ARHGAP6: variants seen among roughly 807,000 people sequenced by gnomAD.
ARHGAP6 encodes the protein rho GTPase-activating protein 6.
A neutral mutation model predicts 55.7 loss-of-function variants in ARHGAP6; 16 were observed. The ratio of observed to expected loss-of-function variants is 0.29; its 90% CI spans 0.19 to 0.44. The LOEUF is 0.44. ARHGAP6 is among the 20% of genes least tolerant of loss of function. ARHGAP6 has a pLI of 1.00. For missense variants in ARHGAP6, 698 were observed against 808.9 expected (o/e 0.86, Z 1.66); for synonymous variants, 382 against 360.9 (o/e 1.06, Z -0.66).
intron 1 of ARHGAP6, among the ~76,000 whole-genome samples, chrX:11,450,142 T>C (rs1177434249): frequency 1.8e-5 from 2 of 111,325 alleles, no homozygotes; most frequent in Non-Finnish European, 3.8e-5. Context: ...AGGTCGTTGA[T>C]ATTTGCATAG....
intron 1 of ARHGAP6, among the ~76,000 whole-genome samples, chrX:11,372,420 T>C (rs887450539): frequency 4.5e-5 from 5 of 111,580 alleles, no homozygotes; most frequent in Non-Finnish European, 7.5e-5. Flanking sequence ...AAAAATCATG[T>C]TCACTTTGGG....
At chrX:11,182,728 T>A (rs2046333562) in intron 5 of ARHGAP6, among the ~76,000 whole-genome samples, 2 of 105,213 alleles carry the variant, frequency 1.9e-5, no homozygotes, top group Admixed American at 1.0e-4. Context: ...CTTGACCTTC[T>A]GGGCTGCAGT....
chrX:11,207,315 A>T (rs2046719620), intron 2 of ARHGAP6, among the ~76,000 whole-genome samples: 1 of 110,788 alleles, frequency 9.0e-6, no homozygotes, highest in African/African-American at 3.3e-5. Context: ...GGTGTGAGTC[A>T]TCACACCTGG....
intron 1 of ARHGAP6, among the ~76,000 whole-genome samples, chrX:11,525,463 G>A (rs1001142431): frequency 2.7e-5 from 3 of 111,784 alleles, no homozygotes; most frequent in Non-Finnish European, 5.6e-5. Context: ...ACACTTGTTG[G>A]TGAATGGATT....
rs200460504 is a variant in ARHGAP6, at chrX:11,567,553, CAA to C, written c.588+96686_588+96687del. Among the ~76,000 whole-genome samples the C allele has an allele frequency of 5.0e-4, 36 of 71,807 alleles. 2 individuals carry two copies. Among genetic ancestry groups the C allele is most frequent in the African/African-American group, 2.0e-3 (35 of 17,927 alleles). The allele number at this position is 71,807 out of a possible 115,157, so 62.4% of individuals were successfully genotyped here. A position where few individuals can be genotyped will look rare whatever the true frequency, so the allele number is the denominator to read the frequency against. The stretch of plus-strand genomic sequence containing the variant: ...TGGGTGACAGAGGGAGACTCCATCT[CAA>C]AAAAAAAAAAAATATATATATATAT... On this transcript the variant is annotated intron_variant, in intron 1 of 12. Transcript: ENST00000337414.
intron 1 of ARHGAP6, among the ~76,000 whole-genome samples, chrX:11,559,181 C>T (rs1299003467): frequency 9.1e-6 from 1 of 109,412 alleles, no homozygotes; most frequent in Non-Finnish European, 1.9e-5. Flanking sequence ...AAGGGAGAAG[C>T]AATGCCACTT....
At chrX:11,367,667 A>G (rs1306232818) in intron 1 of ARHGAP6, 1 of 218,118 alleles carries the variant, frequency 4.6e-6, no homozygotes, top group African/African-American at 3.0e-5. Flanking sequence ...TCTTAAGCTC[A>G]TATCATAAGA....
intron 1 of ARHGAP6, among the ~76,000 whole-genome samples, chrX:11,603,508 G>A (rs908532163): frequency 1.8e-5 from 2 of 111,592 alleles, no homozygotes; most frequent in Admixed American, 1.9e-4. Context: ...TCTCATTTGT[G>A]TATATGCATG....
chrX:11,516,592 C>A (rs1039352949), intron 1 of ARHGAP6, among the ~76,000 whole-genome samples: 1 of 112,065 alleles, frequency 8.9e-6, no homozygotes. Flanking sequence ...TTAACACATA[C>A]CGTGATAAGT....
intron 1 of ARHGAP6, among the ~76,000 whole-genome samples, chrX:11,479,021 G>A (rs981622901): frequency 8.9e-6 from 1 of 111,988 alleles, no homozygotes; most frequent in Non-Finnish European, 1.9e-5. Context: ...GCAGGCAATG[G>A]GGCTATTGAA....
intron 2 of ARHGAP6, among the ~76,000 whole-genome samples, chrX:11,215,460 G>A (rs773606882): frequency 4.1e-4 from 47 of 113,289 alleles, no homozygotes; most frequent in Middle Eastern, 4.6e-3. Flanking sequence ...GACAGGAGGG[G>A]ATGCTGACAT....
chrX:11,510,732 C>T (rs968474701), intron 1 of ARHGAP6, among the ~76,000 whole-genome samples: 3 of 111,289 alleles, frequency 2.7e-5, no homozygotes, highest in Non-Finnish European at 3.8e-5. Flanking sequence ...TTAAGGCCTT[C>T]GAGCCAAATC....
intron 1 of ARHGAP6, among the ~76,000 whole-genome samples, chrX:11,469,343 CTTAA>C (rs997431912): frequency 4.3e-4 from 48 of 112,518 alleles, no homozygotes; most frequent in Admixed American, 4.0e-3. Flanking sequence ...ATTCTAGAAA[CTTAA>C]TTAGTTACTT....
intron 1 of ARHGAP6, among the ~76,000 whole-genome samples, chrX:11,444,345 A>T (rs1202902110): frequency 8.9e-6 from 1 of 112,692 alleles, no homozygotes. Context: ...TGACTTTTAA[A>T]CATTAGCAAA....
intron 1 of ARHGAP6, among the ~76,000 whole-genome samples, chrX:11,420,440 A>T (rs891136888): frequency 8.1e-5 from 9 of 111,674 alleles, no homozygotes; most frequent in East Asian, 2.8e-4. Context: ...AGACCGTTAA[A>T]TCTATCCCCA....
At chrX:11,586,899 T>C (rs2051740748) in intron 1 of ARHGAP6, among the ~76,000 whole-genome samples, 1 of 112,041 alleles carries the variant, frequency 8.9e-6, no homozygotes, top group African/African-American at 3.2e-5. Flanking sequence ...CCTTAGTTAG[T>C]TGTATTTCTA....
At chrX:11,552,555 CATATATATAT>C (rs59008705) in intron 1 of ARHGAP6, among the ~76,000 whole-genome samples, 70 of 12,537 alleles carry the variant, frequency 5.6e-3, no homozygotes, top group Admixed American at 0.014. Context: ...GAAAATGTGC[CATATATATAT>C]ATATATATAT....
At chrX:11,184,699 T>C (rs2046364582) in intron 5 of ARHGAP6, among the ~76,000 whole-genome samples, 1 of 112,785 alleles carries the variant, frequency 8.9e-6, no homozygotes, top group Non-Finnish European at 1.9e-5. Flanking sequence ...GGTACTATTC[T>C]AAGTACTGTA....
intron 1 of ARHGAP6, among the ~76,000 whole-genome samples, chrX:11,354,358 T>TATATATATATATATA (rs2079240744): frequency 1.1e-5 from 1 of 88,733 alleles, no homozygotes; most frequent in African/African-American, 4.2e-5. Flanking sequence ...TATATATATG[T>TATATATATATATATA]TCATCAGCAT....
Sources: allele counts gnomAD v4.1 joint callset (sites outside exome capture counted in the v4.1 genomes callset), GRCh38; gene constraint gnomAD v4.1.1; transcripts MANE v1.5; gene names NCBI Gene and HGNC (gene_info 2026-07-23, HGNC 2026-07-21).